Variants in PTPDC1 observed in about 807,000 individuals in gnomAD.
The protein encoded by PTPDC1 is protein tyrosine phosphatase domain containing 1.
A neutral mutation model predicts 75.3 loss-of-function variants in PTPDC1; 53 were observed. The ratio of observed to expected loss-of-function variants is 0.70; its 90% CI spans 0.56 to 0.88. The LOEUF is 0.88. Ranked by LOEUF, PTPDC1 falls within the 40% of genes least tolerant of loss-of-function variation. The pLI is 0.00. For missense variants in PTPDC1, 925 were observed against 998.6 expected (o/e 0.93, Z 0.99); for synonymous variants, 349 against 366.2 (o/e 0.95, Z 0.54).
chr9:94,052,225 C>T (rs1825813588), intron 1 of PTPDC1, among the ~76,000 whole-genome samples: 1 of 152,102 alleles, frequency 6.6e-6, no homozygotes, highest in African/African-American at 2.4e-5. Context: ...ACTTCTTAAT[C>T]TATGTGTTAT....
intron 1 of PTPDC1, among the ~76,000 whole-genome samples, chr9:94,056,555 T>C (rs1040226340): frequency 6.6e-6 from 1 of 152,118 alleles, no homozygotes; most frequent in Admixed American, 6.5e-5. Context: ...GCTGTGAGAG[T>C]CTGGGAAGGA....
At chr9:94,096,202 C>G (rs1222794212) in intron 5 of PTPDC1, among the ~76,000 whole-genome samples, 3 of 152,218 alleles carry the variant, frequency 2.0e-5, no homozygotes, top group Non-Finnish European at 4.4e-5. Context: ...TCAGCTCTGT[C>G]CGCAGTGTAC....
At chr9:94,063,437 C>T (rs992521184) in intron 1 of PTPDC1, among the ~76,000 whole-genome samples, 1 of 152,098 alleles carries the variant, frequency 6.6e-6, no homozygotes, top group African/African-American at 2.4e-5. Context: ...CTTTATGTAA[C>T]GTTCATTTGA....
intron 2 of PTPDC1, among the ~76,000 whole-genome samples, chr9:94,074,036 T>G (rs1016523535): frequency 6.6e-6 from 1 of 152,216 alleles, no homozygotes; most frequent in Non-Finnish European, 1.5e-5. Flanking sequence ...CAGCATATCA[T>G]TTATCTCCAT....
exon 1 of PTPDC1, chr9:94,031,087 C>A (rs1432418915): frequency 1.3e-5 from 2 of 152,218 alleles, no homozygotes; most frequent in Non-Finnish European, 2.9e-5. Flanking sequence ...TCCTGCTGAC[C>A]CCAGCCGGCG....
At chr9:94,054,545 AT>A (rs1209948403) in intron 1 of PTPDC1, among the ~76,000 whole-genome samples, 11 of 152,184 alleles carry the variant, frequency 7.2e-5, no homozygotes, top group Non-Finnish European at 1.2e-4. Context: ...GAAGGCTAAA[AT>A]GTGTAAAGGG....
intron 1 of PTPDC1, among the ~76,000 whole-genome samples, chr9:94,049,997 T>C (rs898912542): frequency 1.3e-5 from 2 of 152,254 alleles, no homozygotes; most frequent in African/African-American, 4.8e-5. Flanking sequence ...TTCTTCCAGT[T>C]GATCGAATCG....
intron 2 of PTPDC1, among the ~76,000 whole-genome samples, chr9:94,074,376 C>CT (rs553232572): frequency 2.8e-4 from 43 of 152,216 alleles, no homozygotes; most frequent in African/African-American, 1.0e-3. Flanking sequence ...GTCATGTTGC[C>CT]TTTGAGTCGG....
intron 2 of PTPDC1, among the ~76,000 whole-genome samples, chr9:94,087,296 G>T (rs898719316): frequency 6.6e-6 from 1 of 152,106 alleles, no homozygotes; most frequent in African/African-American, 2.4e-5. Context: ...ATTGAAGCCA[G>T]ATTTGTATAA....
chr9:94,103,103 G>A (rs770200019), intron 7 of PTPDC1, among the ~76,000 whole-genome samples: 1 of 151,394 alleles, frequency 6.6e-6, no homozygotes, highest in Non-Finnish European at 1.5e-5. Context: ...ACAATACACA[G>A]ACATGTGCGT....
intron 1 of PTPDC1, among the ~76,000 whole-genome samples, chr9:94,045,763 G>A (rs983881446): frequency 1.4e-4 from 22 of 151,954 alleles, no homozygotes; most frequent in East Asian, 1.2e-3. Flanking sequence ...CAGATGAGTA[G>A]GTTGCAAAAA....
At chr9:94,092,259 G>A (rs370918934) in intron 4 of PTPDC1, among the ~76,000 whole-genome samples, 22 of 144,374 alleles carry the variant, frequency 1.5e-4, no homozygotes, top group Non-Finnish European at 2.7e-4. Context: ...CTTTGAATGC[G>A]TCCCAGAGAT....
At chr9:94,047,669 A>G (rs1825652189) in intron 1 of PTPDC1, among the ~76,000 whole-genome samples, 1 of 152,244 alleles carries the variant, frequency 6.6e-6, no homozygotes, top group South Asian at 2.1e-4. Context: ...ATAGACTGCT[A>G]ACAAGACTAA....
intron 1 of PTPDC1, among the ~76,000 whole-genome samples, chr9:94,032,298 G>C (rs1829743626): frequency 6.6e-6 from 1 of 152,146 alleles, no homozygotes; most frequent in Admixed American, 6.5e-5. Context: ...TCAGGGACAG[G>C]GCTGGAGGAT....
intron 1 of PTPDC1, among the ~76,000 whole-genome samples, chr9:94,033,639 C>G (rs935648203): frequency 6.6e-6 from 1 of 152,158 alleles, no homozygotes; most frequent in African/African-American, 2.4e-5. Context: ...TGTGTAAAGC[C>G]CTAGTAGAGT....
At chr9:94,030,845 C>A (rs1026718814) in exon 1 of PTPDC1, 1 of 152,208 alleles carries the variant, frequency 6.6e-6, no homozygotes, top group African/African-American at 2.4e-5. Flanking sequence ...CAGGGGCGCC[C>A]CGCCACGGGG....
At chr9:94,055,221 A>G (rs1039596868) in intron 1 of PTPDC1, among the ~76,000 whole-genome samples, 3 of 152,234 alleles carry the variant, frequency 2.0e-5, no homozygotes, top group African/African-American at 4.8e-5. Context: ...CTAGTGCTTA[A>G]TAACTGTGTA....
intron 8 of PTPDC1, among the ~76,000 whole-genome samples, chr9:94,105,423 A>G (rs1394747867): frequency 6.6e-6 from 1 of 152,248 alleles, no homozygotes; most frequent in Non-Finnish European, 1.5e-5. Flanking sequence ...TGATCCCAGC[A>G]CTTTGGGAGG....
intron 2 of PTPDC1, among the ~76,000 whole-genome samples, chr9:94,075,864 A>G (rs540679621): frequency 6.6e-6 from 1 of 152,338 alleles, no homozygotes; most frequent in Non-Finnish European, 1.5e-5. Flanking sequence ...TAATTCACCC[A>G]TTTAAAGTAC....
Sources: allele counts gnomAD v4.1 joint callset (sites outside exome capture counted in the v4.1 genomes callset), GRCh38; gene constraint gnomAD v4.1.1; transcripts MANE v1.5; gene names NCBI Gene and HGNC (gene_info 2026-07-23, HGNC 2026-07-21).